CTBP2: variants seen among roughly 807,000 people sequenced by gnomAD.
The protein encoded by CTBP2 is C-terminal-binding protein 2.
In CTBP2, 30 loss-of-function variants were observed where a neutral mutation model predicts 80.3. The ratio of observed to expected loss-of-function variants is 0.37; its 90% CI spans 0.28 to 0.51. The LOEUF is 0.51. CTBP2 is among the 20% of genes least tolerant of loss of function. The pLI is 0.93. For synonymous variants in CTBP2, 594 were observed against 587.4 expected (o/e 1.01, Z -0.16); for missense variants, 1,212 against 1,375.3 (o/e 0.88, Z 1.88).
At chr10:125,000,399 A>G (rs3781444) in intron 3 of CTBP2, 88,726 of 152,068 alleles carry the variant, frequency 0.58, 27,873 homozygotes, top group African/African-American at 0.83. Context: ...GCCTCCCAGC[A>G]TCCACGGAGC....
chr10:125,015,405 A>G (rs1956370120), intron 1 of CTBP2, among the ~76,000 whole-genome samples: 1 of 152,242 alleles, frequency 6.6e-6, no homozygotes, highest in South Asian at 2.1e-4. Context: ...ACAACCCCAC[A>G]GGCCACAAGC....
chr10:125,047,697 T>C (rs1961616900), intron 2 of CTBP2, among the ~76,000 whole-genome samples: 1 of 152,272 alleles, frequency 6.6e-6, no homozygotes, highest in African/African-American at 2.4e-5. Context: ...TGTAACCATA[T>C]TATAGAACAC....
At chr10:125,063,057 C>G (rs528985122) in intron 2 of CTBP2, among the ~76,000 whole-genome samples, 1 of 152,292 alleles carries the variant, frequency 6.6e-6, no homozygotes, top group South Asian at 2.1e-4. Flanking sequence ...AGCTCCCCAG[C>G]AGCGAGGCAG....
chr10:125,019,140 G>T (rs551099196), intron 1 of CTBP2, among the ~76,000 whole-genome samples: 1 of 152,184 alleles, frequency 6.6e-6, no homozygotes, highest in Middle Eastern at 3.4e-3. Context: ...CACTGGAGGG[G>T]GCAAGAAAAG....
intron 1 of CTBP2, among the ~76,000 whole-genome samples, chr10:125,117,276 C>A (rs1451790167): frequency 2.0e-5 from 3 of 152,216 alleles, no homozygotes; most frequent in African/African-American, 7.2e-5. Context: ...AGGTCATGTG[C>A]AGTCCTGGGG....
At chr10:125,086,544 G>C (rs548531516) in intron 2 of CTBP2, among the ~76,000 whole-genome samples, 1 of 147,844 alleles carries the variant, frequency 6.8e-6, no homozygotes, top group African/African-American at 2.5e-5. Context: ...GAACCTGGGA[G>C]GTGGAGGTTG....
chr10:125,144,224 T>C (rs568809449), intron 1 of CTBP2, among the ~76,000 whole-genome samples: 18 of 152,276 alleles, frequency 1.2e-4, no homozygotes, highest in Non-Finnish European at 2.4e-4. Flanking sequence ...CTGCTTCCCT[T>C]CTGGCCTTCG....
At chr10:125,123,342 T>C (rs1409907706) in intron 1 of CTBP2, among the ~76,000 whole-genome samples, 1 of 152,186 alleles carries the variant, frequency 6.6e-6, no homozygotes, top group Non-Finnish European at 1.5e-5. Context: ...ATCCATGGAT[T>C]CTATCCACGT....
intron 1 of CTBP2, among the ~76,000 whole-genome samples, chr10:125,011,586 G>GA (rs1464902461): frequency 2.6e-5 from 4 of 152,276 alleles, no homozygotes; most frequent in Admixed American, 6.5e-5. Context: ...ATCAAGTTCA[G>GA]AAAAAACACA....
intron 1 of CTBP2, among the ~76,000 whole-genome samples, chr10:125,159,353 C>T (rs183159543): frequency 0.1 from 15,239 of 145,250 alleles, 1,055 homozygotes; most frequent in Non-Finnish European, 0.15. Flanking sequence ...CGGCGGCGGG[C>T]GAGGAGGAAG....
At chr10:124,993,564 CCTG>C (rs2134116425) in intron 6 of CTBP2, among the ~76,000 whole-genome samples, 1 of 152,304 alleles carries the variant, frequency 6.6e-6, no homozygotes, top group African/African-American at 2.4e-5. Flanking sequence ...GAAGGCTTGT[CCTG>C]CTGTAATCCA....
chr10:125,103,535 G>A (rs1397700909), intron 2 of CTBP2, among the ~76,000 whole-genome samples: 1 of 152,202 alleles, frequency 6.6e-6, no homozygotes, highest in Non-Finnish European at 1.5e-5. Flanking sequence ...AAGAGGGACT[G>A]AAGACTCCCT....
Position 125,071,225 on chromosome 10 carries a change from G to A in CTBP2, c.-101-32070C>T, listed in dbSNP as rs116133400. 2.4e-3 allele frequency among the ~76,000 whole-genome samples: 369 copies of A among 152,380 alleles called. 1 individual carries two copies. The highest frequency in any genetic ancestry group is 8.5e-3 in the African/African-American group (355 of 41,598). Reference sequence around the variant, plus strand: ...GCGAGGGGCAGGCTCCCTGCTCTGGGAAGGGAAGGAGCATTTGCGGGAAGG... The same window carrying A: ...GCGAGGGGCAGGCTCCCTGCTCTGGAAAGGGAAGGAGCATTTGCGGGAAGG... On this transcript the variant is annotated intron_variant, in intron 2 of 10. Coordinates refer to the CTBP2 transcript ENST00000337195.
At chr10:125,101,582 G>A (rs1190894900) in intron 2 of CTBP2, among the ~76,000 whole-genome samples, 1 of 152,182 alleles carries the variant, frequency 6.6e-6, no homozygotes, top group African/African-American at 2.4e-5. Context: ...TTACCAGGTC[G>A]ATGGGCAAGG....
At chr10:125,057,592 T>G (rs535522503) in intron 2 of CTBP2, among the ~76,000 whole-genome samples, 45 of 152,338 alleles carry the variant, frequency 3.0e-4, no homozygotes, top group African/African-American at 1.1e-3. Flanking sequence ...ATCTCCAGCT[T>G]GACTTTTTCC....
intron 1 of CTBP2, among the ~76,000 whole-genome samples, chr10:125,119,051 T>C (rs939700599): frequency 6.6e-6 from 1 of 152,200 alleles, no homozygotes; most frequent in Admixed American, 6.5e-5. Flanking sequence ...TTCTCCCTGA[T>C]AGGGTGACCA....
chr10:125,009,280 A>G (rs1304349528), intron 1 of CTBP2, among the ~76,000 whole-genome samples: 2 of 152,224 alleles, frequency 1.3e-5, no homozygotes, highest in Non-Finnish European at 2.9e-5. Flanking sequence ...TCACGGCTTC[A>G]TCAGCCCCTG....
intron 3 of CTBP2, among the ~76,000 whole-genome samples, chr10:125,001,952 T>C (rs1228973172): frequency 1.4e-5 from 2 of 147,884 alleles, no homozygotes; most frequent in African/African-American, 5.2e-5. Flanking sequence ...CTCAGATGTA[T>C]GTAACACTCC....
chr10:125,074,545 G>A (rs961571641), intron 2 of CTBP2, among the ~76,000 whole-genome samples: 1 of 152,114 alleles, frequency 6.6e-6, no homozygotes, highest in African/African-American at 2.4e-5. Context: ...GTAGAGACGG[G>A]GTTTCACCGT....
Sources: allele counts gnomAD v4.1 joint callset (sites outside exome capture counted in the v4.1 genomes callset), GRCh38; gene constraint gnomAD v4.1.1; transcripts MANE v1.5; gene names NCBI Gene and HGNC (gene_info 2026-07-23, HGNC 2026-07-21).